The following ADARB2 variants were observed in gnomAD, a reference collection of about 807,000 sequenced individuals.
ADARB2 encodes the protein inactive double-stranded RNA-specific editase B2.
Under a neutral mutation model 62.2 loss-of-function variants are expected in ADARB2, and 25 were observed. The ratio of observed to expected loss-of-function variants is 0.40; its 90% CI spans 0.29 to 0.56. The LOEUF is 0.56. Ranked by LOEUF, ADARB2 falls within the 20% of genes least tolerant of loss-of-function variation. The pLI is 0.43. For missense variants in ADARB2, 1,071 were observed against 1,077.4 expected, an observed-to-expected ratio of 0.99 and a Z score of 0.08; for synonymous variants, 572 against 500.8, an observed-to-expected ratio of 1.14 and a Z score of -1.90.
intron 3 of ADARB2, among the ~76,000 whole-genome samples, chr10:1,278,278 G>T (rs991898454): frequency 6.6e-6 from 1 of 150,418 alleles, no homozygotes; most frequent in South Asian, 2.1e-4. Flanking sequence ...ACCACACCCG[G>T]TCCTTTTTTT....
chr10:1,733,479 A>G (rs558624153), intron 1 of ADARB2, among the ~76,000 whole-genome samples: 137 of 152,368 alleles, frequency 9.0e-4, no homozygotes, highest in African/African-American at 3.0e-3. Flanking sequence ...CACTGTTTTA[A>G]TAACTAAAAA....
At chr10:1,558,661 C>CTTGCCTTATTTTTCTTCAGAGCTATG (rs1248187103) in intron 1 of ADARB2, among the ~76,000 whole-genome samples, 1 of 128,814 alleles carries the variant, frequency 7.8e-6, no homozygotes, top group Non-Finnish European at 1.7e-5. Flanking sequence ...GGGTGCTCAG[C>CTTGCCTTATTTTTCTTCAGAGCTATG]ACCCCCATGC....
chr10:1,373,425 C>G (rs1832391372), intron 2 of ADARB2, among the ~76,000 whole-genome samples: 1 of 152,314 alleles, frequency 6.6e-6, no homozygotes, highest in African/African-American at 2.4e-5. Flanking sequence ...CTGGAGGGCT[C>G]CAGCTGGTAA....
At chr10:1,669,372 C>T (rs765279940) in intron 1 of ADARB2, among the ~76,000 whole-genome samples, 7 of 152,204 alleles carry the variant, frequency 4.6e-5, no homozygotes, top group Non-Finnish European at 8.8e-5. Context: ...CCACCACCCA[C>T]CTGCCTTGTG....
intron 1 of ADARB2, among the ~76,000 whole-genome samples, chr10:1,609,289 C>T (rs886413294): frequency 2.6e-5 from 4 of 152,242 alleles, no homozygotes; most frequent in African/African-American, 9.6e-5. Context: ...ATTAAACGGG[C>T]TATAATAGCT....
At chr10:1,464,909 G>A (rs1241528119) in intron 1 of ADARB2, among the ~76,000 whole-genome samples, 1 of 152,202 alleles carries the variant, frequency 6.6e-6, no homozygotes, top group Non-Finnish European at 1.5e-5. Flanking sequence ...CCTCCCGCAG[G>A]GTGAGGACGC....
chr10:1,643,671 A>G (rs1834003473), intron 1 of ADARB2, among the ~76,000 whole-genome samples: 1 of 152,198 alleles, frequency 6.6e-6, no homozygotes, highest in African/African-American at 2.4e-5. Context: ...CTGGTTCCCT[A>G]TCCCTTAGGG....
In ADARB2 at chr10:1,696,969, T is replaced by C. The variant is rs528617318; in HGVS notation, c.100+40082A>G. Among the ~76,000 whole-genome samples the C allele has an allele frequency of 4.2e-3, 485 of 114,738 alleles. 14 individuals carry two copies. In the East Asian group the frequency reaches 0.081, roughly 19 times the overall value. 75.3% of individuals were successfully genotyped at this position (114,738 alleles called of 152,430 possible). ...CTTAAAACATGATGAGATTATTTTG[T>C]GATTTTTTTTTTTTAGCTTATTAGC... On this transcript the variant is annotated intron_variant, in intron 1 of 9. Transcript: ENST00000381312.
intron 1 of ADARB2, among the ~76,000 whole-genome samples, chr10:1,705,949 G>T (rs1190757005): frequency 1.3e-5 from 2 of 151,990 alleles, no homozygotes; most frequent in African/African-American, 2.4e-5. Flanking sequence ...GAATTACAGT[G>T]GTTTAATGCC....
intron 8 of ADARB2, chr10:1,187,755 G>A (rs746492462): frequency 6.0e-5 from 20 of 334,546 alleles, no homozygotes; most frequent in East Asian, 3.3e-4. Flanking sequence ...TCCACACTCC[G>A]GGGACAGAAG....
At chr10:1,258,945 C>T (rs1831106654) in intron 4 of ADARB2, among the ~76,000 whole-genome samples, 1 of 152,216 alleles carries the variant, frequency 6.6e-6, no homozygotes, top group Admixed American at 6.5e-5. Context: ...TTATAACAAA[C>T]TGTCTCTGAG....
intron 3 of ADARB2, among the ~76,000 whole-genome samples, chr10:1,337,303 C>A (rs1831983685): frequency 6.6e-6 from 1 of 152,182 alleles, no homozygotes; most frequent in South Asian, 2.1e-4. Flanking sequence ...ACGGCAAGCT[C>A]TAATGGCTCA....
At chr10:1,435,636 G>A (rs1000998394) in intron 1 of ADARB2, among the ~76,000 whole-genome samples, 3 of 149,908 alleles carry the variant, frequency 2.0e-5, no homozygotes, top group African/African-American at 7.6e-5. Context: ...CCACTTCCTG[G>A]GCGAGACTTC....
intron 1 of ADARB2, among the ~76,000 whole-genome samples, chr10:1,610,324 C>A (rs1414661149): frequency 6.6e-6 from 1 of 152,200 alleles, no homozygotes; most frequent in Non-Finnish European, 1.5e-5. Context: ...TCCACAGGCC[C>A]CTTTCTCCTA....
chr10:1,219,221 C>A (rs970298986), intron 6 of ADARB2, among the ~76,000 whole-genome samples: 1 of 152,140 alleles, frequency 6.6e-6, no homozygotes, highest in Admixed American at 6.5e-5. Flanking sequence ...CCAATTAAAC[C>A]TCTTTTCTTT....
At chr10:1,729,091 C>A (rs914287291) in intron 1 of ADARB2, among the ~76,000 whole-genome samples, 1 of 152,178 alleles carries the variant, frequency 6.6e-6, no homozygotes, top group Non-Finnish European at 1.5e-5. Flanking sequence ...TGTTAGAATT[C>A]TTTGAGAGCC....
chr10:1,401,465 C>T (rs973598857), intron 1 of ADARB2, among the ~76,000 whole-genome samples: 1 of 152,180 alleles, frequency 6.6e-6, no homozygotes, highest in African/African-American at 2.4e-5. Flanking sequence ...CCATGGAGGG[C>T]AGGTGCCAGC....
chr10:1,310,706 G>T (rs1377329867), intron 3 of ADARB2, among the ~76,000 whole-genome samples: 1 of 152,178 alleles, frequency 6.6e-6, no homozygotes, highest in Non-Finnish European at 1.5e-5. Context: ...GTTGGGACGG[G>T]GATAAGTGGA....
intron 3 of ADARB2, among the ~76,000 whole-genome samples, chr10:1,304,256 C>T (rs1297031451): frequency 1.3e-5 from 2 of 151,924 alleles, no homozygotes; most frequent in Non-Finnish European, 2.9e-5. Flanking sequence ...TTTAAACCAA[C>T]AAAGATCAAA....
Sources: gnomAD v4.1 joint callset for allele counts (sites outside exome capture counted in the v4.1 genomes callset) on GRCh38, gnomAD v4.1.1 for gene constraint, MANE v1.5 for transcripts, NCBI Gene and HGNC (gene_info 2026-07-23, HGNC 2026-07-21) for gene names.